The following VSTM2L variants were observed in gnomAD, a reference collection of about 807,000 sequenced individuals.
The protein encoded by VSTM2L is V-set and transmembrane domain containing 2 like.
VSTM2L carries 9 observed loss-of-function variants against 19.9 expected under a neutral mutation model. The ratio of observed to expected loss-of-function variants is 0.45; its 90% CI spans 0.27 to 0.79. The LOEUF (loss-of-function observed/expected upper bound fraction) is 0.79. Ranked by LOEUF, VSTM2L falls within the 30% of genes least tolerant of loss-of-function variation. VSTM2L has a pLI of 0.15. For synonymous variants in VSTM2L, 127 were observed against 133.8 expected (o/e 0.95, Z 0.35); for missense variants, 286 against 295.5 (o/e 0.97, Z 0.24).
In VSTM2L at chr20:37,944,907, C is replaced by T. The variant is rs1331986590; in HGVS notation, c.*654C>T. On this transcript the variant is annotated 3_prime_UTR_variant, in exon 4 of 4. Coordinates refer to ENST00000373461, the MANE Select transcript of VSTM2L (RefSeq NM_080607.3). The stretch of plus-strand genomic sequence containing the variant: ...ATGCAGGGGATCCAGGATTCTCTGC[C>T]CTGTCACACGGCGAGTCAGAAGGGA... The T allele has an allele frequency of 3.3e-5, 33 of 985,720 alleles. No individual in the cohort carries two copies. The highest frequency in any genetic ancestry group is 3.6e-5 in the Non-Finnish European group (30 of 829,988). 61.1% of individuals were successfully genotyped at this position (985,720 alleles called of 1,614,324 possible). A position where few individuals can be genotyped will look rare whatever the true frequency, so the allele number is the denominator to read the frequency against.
rs779275250 is a variant in VSTM2L, at chr20:37,931,619, CCT to C, written c.122-15_122-14del. 5.0e-5 allele frequency: 80 copies of C among 1,605,112 alleles called. No individual in the cohort carries two copies. The highest frequency in any genetic ancestry group is 1.3e-4 in the East Asian group (6 of 44,716). On this transcript the variant is annotated splice_polypyrimidine_tract_variant and intron_variant, in intron 1 of 3. Coordinates refer to ENST00000373461, the MANE Select transcript of VSTM2L (RefSeq NM_080607.3). Reference sequence around the variant, plus strand: ...TTTCCTGAGCCCCGCCATTCTTCCCCCTGTTTCTTGCACAGCCCTGTTCACAG... The same window carrying C: ...TTTCCTGAGCCCCGCCATTCTTCCCCGTTTCTTGCACAGCCCTGTTCACAG...
At chr20:37,911,892 A>ATGTGTGTGTGTGTGTGCATGTG (rs1555839066) in intron 1 of VSTM2L, among the ~76,000 whole-genome samples, 113 of 151,096 alleles carry the variant, frequency 7.5e-4, no homozygotes, top group African/African-American at 2.4e-3. Flanking sequence ...ATGTGCGTGT[A>ATGTGTGTGTGTGTGTGCATGTG]TGTGTGTGTG....
intron 3 of VSTM2L, 138 bp downstream of exon 3, chr20:37,933,727 C>T: frequency 1.2e-6 from 1 of 817,802 alleles, no homozygotes; most frequent in Admixed American, 2.9e-5. Flanking sequence ...AAAAAAATGG[C>T]CTTGCTCTGT....
intron 3 of VSTM2L, 49 bp downstream of exon 3, chr20:37,933,638 C>A (rs766972002): frequency 6.3e-7 from 1 of 1,599,390 alleles, no homozygotes; most frequent in South Asian, 1.1e-5. Flanking sequence ...GAGGGCACAG[C>A]TGTGACTTAA....
chr20:37,922,499 G>A (rs1216671825), intron 1 of VSTM2L, among the ~76,000 whole-genome samples: 2 of 152,124 alleles, frequency 1.3e-5, no homozygotes, highest in Non-Finnish European at 1.5e-5. Context: ...GTGGGGCCAC[G>A]TTGGTTCTCA....
chr20:37,931,540 T>G, intron 1 of VSTM2L, 95 bp from the exon 2 acceptor site: 41 of 1,188,772 alleles, frequency 3.4e-5, no homozygotes, highest in Non-Finnish European at 3.8e-5. Flanking sequence ...TCCCCCGCCG[T>G]GCAGGGCCAG....
intron 1 of VSTM2L, among the ~76,000 whole-genome samples, chr20:37,904,059 C>T (rs1386735697): frequency 1.3e-5 from 2 of 152,242 alleles, no homozygotes; most frequent in Non-Finnish European, 2.9e-5. Flanking sequence ...CACAGAGGCC[C>T]TTGTCCTCTT....
At chr20:37,937,798 G>A (rs1344720695) in intron 3 of VSTM2L, among the ~76,000 whole-genome samples, 2 of 152,208 alleles carry the variant, frequency 1.3e-5, no homozygotes, top group African/African-American at 4.8e-5. Flanking sequence ...ACCAAAATGA[G>A]GAGAGCTGCC....
chr20:37,944,168 C>T lies in VSTM2L; in HGVS notation c.530C>T (p.Pro177Leu). ...ENSVLHLPEAPPAAPAPPPPK... is the reference protein window; with the variant it reads ...ENSVLHLPEALPAAPAPPPPK... ...TCCGTCCTGCATCTGCCCGAAGCCCCTCCCGCCGCGCCCGCCCCGCCGCCC... is the reference window on the plus strand; with the variant it reads ...TCCGTCCTGCATCTGCCCGAAGCCCTTCCCGCCGCGCCCGCCCCGCCGCCC... Residue 177 changes from proline to leucine, a missense_variant, in exon 4 of 4, where the codon CCT becomes CTT. By Grantham distance (98) the Pro-to-Leu change is moderately conservative (BLOSUM62 -3). Coordinates refer to ENST00000373461, the MANE Select transcript of VSTM2L (RefSeq NM_080607.3). The T allele has an allele frequency of 6.4e-7, 1 of 1,557,424 alleles. No homozygotes were observed. The highest frequency in any genetic ancestry group is 8.7e-7 in the Non-Finnish European group (1 of 1,149,942).
chr20:37,913,679 G>A (rs2072793250), intron 1 of VSTM2L, among the ~76,000 whole-genome samples: 1 of 152,356 alleles, frequency 6.6e-6, no homozygotes, highest in African/African-American at 2.4e-5. Context: ...TTCCTTCTGG[G>A]CCTGTATCCA....
intron 3 of VSTM2L, among the ~76,000 whole-genome samples, chr20:37,942,437 G>A (rs771217002): frequency 2.6e-5 from 4 of 152,196 alleles, no homozygotes; most frequent in East Asian, 1.9e-4. Context: ...AGCTAAGATC[G>A]TGCCACTGCA....
rs1047469621 is a variant in VSTM2L at position 37,903,520 on chromosome 20, G to C, written c.121+49G>C. ...GGACTTCCCCACCAAACCCCAACCC[G>C]GGCCGCGCCACTCCAACTTGGCCGC... On this transcript the variant is annotated intron_variant, in intron 1 of 3. Coordinates refer to ENST00000373461, the MANE Select transcript of VSTM2L (RefSeq NM_080607.3). 4 of 1,404,966 alleles carry C rather than the reference G, an allele frequency of 2.8e-6. No individual in the cohort carries two copies. The African/African-American group carries it at 6.0e-5, about 21-fold the overall frequency. The allele number at this position is 1,404,966 out of a possible 1,614,324, so 87.0% of individuals were successfully genotyped here.
intron 1 of VSTM2L, among the ~76,000 whole-genome samples, chr20:37,909,051 T>C (rs1005917687): frequency 2.0e-5 from 3 of 152,138 alleles, no homozygotes; most frequent in African/African-American, 7.2e-5. Context: ...AGAATCTGGC[T>C]TCAGGGCTGG....
chr20:37,933,716 G>A, intron 3 of VSTM2L, 127 bp downstream of exon 3: 4 of 885,818 alleles, frequency 4.5e-6, no homozygotes, highest in Non-Finnish European at 5.1e-6. Context: ...AAAGAGAAGG[G>A]AAAAAAATGG....
chr20:37,929,872 G>A (rs1277982122), intron 1 of VSTM2L, among the ~76,000 whole-genome samples: 1 of 152,132 alleles, frequency 6.6e-6, no homozygotes, highest in Non-Finnish European at 1.5e-5. Context: ...TGGCCCTCAC[G>A]GTGATGTGGG....
In VSTM2L at chr20:37,933,611, T is replaced by A. The variant is rs776890084; in HGVS notation, c.342+22T>A. On this transcript the variant is annotated intron_variant, in intron 3 of 3. Coordinates refer to ENST00000373461, the MANE Select transcript of VSTM2L (RefSeq NM_080607.3). Reference sequence around the variant, plus strand: ...AAGTGTGAGTTTTGATAATGACTTCTCGAAAGGGCTCTAATGGAGGGCACA... The same window carrying A: ...AAGTGTGAGTTTTGATAATGACTTCACGAAAGGGCTCTAATGGAGGGCACA... 3.1e-6 allele frequency: 5 copies of A among 1,613,500 alleles called. No homozygotes were observed. In the Admixed American group the frequency reaches 6.7e-5, roughly 22 times the overall value.
At chr20:37,926,380 A>C (rs917718551) in intron 1 of VSTM2L, among the ~76,000 whole-genome samples, 1 of 152,154 alleles carries the variant, frequency 6.6e-6, no homozygotes, top group Non-Finnish European at 1.5e-5. Flanking sequence ...GAGCCTTTTT[A>C]AGAAATATTT....
intron 1 of VSTM2L, among the ~76,000 whole-genome samples, chr20:37,924,474 A>AACCT (rs2122959028): frequency 6.6e-6 from 1 of 150,898 alleles, no homozygotes; most frequent in Non-Finnish European, 1.5e-5. Context: ...GAATCGCTTG[A>AACCT]ACCTGGGAAG....
At chr20:37,943,918 C>CCCG in intron 3 of VSTM2L, 63 bp from the exon 4 acceptor site, 1 of 871,874 alleles carries the variant, frequency 1.1e-6, no homozygotes. Flanking sequence ...ACCCCCCCCC[C>CCCG]CGACTCTTCT....
Sources: gnomAD v4.1 joint callset for allele counts (sites outside exome capture counted in the v4.1 genomes callset) on GRCh38, gnomAD v4.1.1 for gene constraint, MANE v1.5 for transcripts, NCBI Gene and HGNC (gene_info 2026-07-23, HGNC 2026-07-21) for gene names.